SORBS2: variants seen among roughly 807,000 people sequenced by gnomAD.
SORBS2 encodes the protein sorbin and SH3 domain-containing protein 2.
A neutral mutation model predicts 97.7 loss-of-function variants in SORBS2; 46 were observed. The ratio of observed to expected loss-of-function variants is 0.47; its 90% confidence interval spans 0.37 to 0.60. The LOEUF (loss-of-function observed/expected upper bound fraction) is 0.60. SORBS2 is among the 20% of genes least tolerant of loss of function. The probability of loss-of-function intolerance (pLI) is 0.00; values close to 1 mark genes in which losing one functional copy is unlikely to be tolerated. For synonymous variants in SORBS2, 476 were observed against 473.4 expected, an observed-to-expected ratio of 1.01 and a Z score of -0.07; for missense variants, 1,316 against 1,282.3, an observed-to-expected ratio of 1.03 and a Z score of -0.40.
intron 1 of SORBS2, among the ~76,000 whole-genome samples, chr4:185,785,338 TAAACAAAGTTA>T (rs2099051279): frequency 6.6e-6 from 1 of 152,134 alleles, no homozygotes; most frequent in Non-Finnish European, 1.5e-5. Context: ...TTTTCAGAGT[TAAACAAAGTTA>T]AAAATACACA....
intron 13 of SORBS2, among the ~76,000 whole-genome samples, chr4:185,590,454 A>G (rs1278399022): frequency 6.6e-6 from 1 of 152,202 alleles, no homozygotes; most frequent in Admixed American, 6.5e-5. Flanking sequence ...TAATTAGCCT[A>G]TGAAGTTGAG....
At position 185,907,061 on chromosome 4, in the gene SORBS2, T is replaced by C. The variant is rs571474011; in HGVS notation, c.-338+49135A>G. On this transcript the variant is annotated intron_variant, in intron 1 of 20. Coordinates refer to the SORBS2 transcript ENST00000284776. ...TGAGGCAGGAGACCAGCTTGAACCT[T>C]GGAGGCAGAGGTTGCAGTGAGCTGA... Among the ~76,000 whole-genome samples the C allele has an allele frequency of 1.9e-3, 294 of 151,120 alleles. 1 individual carries two copies. The highest frequency in any genetic ancestry group is 6.8e-3 in the African/African-American group (281 of 41,064).
intron 2 of SORBS2, among the ~76,000 whole-genome samples, chr4:185,743,036 G>A (rs1418126523): frequency 6.6e-6 from 1 of 152,144 alleles, no homozygotes; most frequent in African/African-American, 2.4e-5. Flanking sequence ...TCCTGGAGAG[G>A]CATCTCCTTT....
At chr4:185,918,597 G>A (rs907302436) in intron 1 of SORBS2, 6 of 152,180 alleles carry the variant, frequency 3.9e-5, no homozygotes, top group Non-Finnish European at 1.5e-5. Context: ...AGGTCACCAC[G>A]GCCTCACGGT....
At chr4:185,655,810 T>C (rs2097391488) in intron 1 of SORBS2, among the ~76,000 whole-genome samples, 1 of 152,204 alleles carries the variant, frequency 6.6e-6, no homozygotes. Context: ...TTATGTCTTA[T>C]AAAGGAAGAA....
intron 1 of SORBS2, among the ~76,000 whole-genome samples, chr4:185,879,123 T>C (rs943534559): frequency 6.8e-6 from 1 of 146,748 alleles, no homozygotes; most frequent in Non-Finnish European, 1.5e-5. Context: ...CTGCACCCAT[T>C]AACTCGCCAT....
rs543946193 is a variant in SORBS2, at chr4:185,735,169, G to T, written c.-198+40058C>A. ...AAAAGAGGGTCATGGGATGTGGGGAGCTGCCTGGGGGCTGGTGGGAACTTG... is the reference window on the plus strand; with the variant it reads ...AAAAGAGGGTCATGGGATGTGGGGATCTGCCTGGGGGCTGGTGGGAACTTG... On this transcript the variant is annotated intron_variant, in intron 2 of 20. Transcript: ENST00000284776. Among the ~76,000 whole-genome samples, 10 of 152,312 alleles carry T rather than the reference G, an allele frequency of 6.6e-5. No homozygotes were observed. In the East Asian group the frequency reaches 1.5e-3, roughly 24 times the overall value.
chr4:185,659,582 A>AC, upstream of SORBS2, among the ~76,000 whole-genome samples: 1 of 128,030 alleles, frequency 7.8e-6, no homozygotes, highest in African/African-American at 2.5e-5. Flanking sequence ...ACGCCCAGCT[A>AC]ATTTTTTTTT....
At chr4:185,651,706 G>A (rs2097316567) in intron 2 of SORBS2, 78 bp downstream of exon 11, 1 of 830,726 alleles carries the variant, frequency 1.2e-6, no homozygotes, top group South Asian at 1.4e-5. Context: ...AACAGAAGGG[G>A]AAAAAAGGTG....
intron 2 of SORBS2, among the ~76,000 whole-genome samples, chr4:185,681,702 T>G (rs2097870173): frequency 6.6e-6 from 1 of 152,208 alleles, no homozygotes; most frequent in Non-Finnish European, 1.5e-5. Flanking sequence ...GCCCTTTTCC[T>G]TGTGTCGAGG....
chr4:185,612,013 CAG>C, intron 11 of SORBS2, 33 bp from the exon 24 acceptor site: 1 of 1,300,052 alleles, frequency 7.7e-7, no homozygotes, highest in Non-Finnish European at 1.1e-6. Context: ...GCATTAGAAA[CAG>C]AGATAGAATA....
chr4:185,834,228 C>T (rs917369249), intron 1 of SORBS2, among the ~76,000 whole-genome samples: 1 of 152,248 alleles, frequency 6.6e-6, no homozygotes, highest in South Asian at 2.1e-4. Flanking sequence ...ACAACCTACA[C>T]TCATGGTGGA....
chr4:185,686,563 GA>G (rs2153512797), intron 2 of SORBS2, among the ~76,000 whole-genome samples: 1 of 152,338 alleles, frequency 6.6e-6, no homozygotes, highest in South Asian at 2.1e-4. Flanking sequence ...TCAGCAAACT[GA>G]AAGTGCTTAG....
rs1010932948 is a variant in SORBS2 at position 185,877,312 on chromosome 4, C to T, written c.-338+78884G>A. 1.3e-5 allele frequency among the ~76,000 whole-genome samples: 2 copies of T among 151,680 alleles called. 1 individual carries two copies. Among genetic ancestry groups the T allele is most frequent in the South Asian group, 4.2e-4 (2 of 4,806 alleles). On this transcript the variant is annotated intron_variant, in intron 1 of 20. Transcript: ENST00000284776. ...TTAAAGGTTGTTTTTTTTAAAAGAGCCAAAGTAAGCAAAAAAAAGAGATTT... is the reference window on the plus strand; with the variant it reads ...TTAAAGGTTGTTTTTTTTAAAAGAGTCAAAGTAAGCAAAAAAAAGAGATTT...
chr4:185,809,200 T>G (rs954630959), intron 1 of SORBS2, among the ~76,000 whole-genome samples: 2 of 152,100 alleles, frequency 1.3e-5, no homozygotes, highest in Admixed American at 6.6e-5. Context: ...ACCAGTACAA[T>G]GTCTGAATGC....
At chr4:185,858,528 T>C (rs1032534299) in intron 1 of SORBS2, among the ~76,000 whole-genome samples, 3 of 152,174 alleles carry the variant, frequency 2.0e-5, no homozygotes, top group African/African-American at 7.2e-5. Flanking sequence ...TTAGCACATG[T>C]TGGGTATTTC....
At chr4:185,589,305 T>C (rs2095865727) in intron 14 of SORBS2, 1 of 181,566 alleles carries the variant, frequency 5.5e-6, no homozygotes, top group Non-Finnish European at 1.2e-5. Flanking sequence ...TCACTCCCTC[T>C]GAAATTAGAT....
At chr4:185,749,343 A>G (rs541080088) in intron 2 of SORBS2, among the ~76,000 whole-genome samples, 137 of 152,366 alleles carry the variant, frequency 9.0e-4, no homozygotes, top group African/African-American at 3.2e-3. Context: ...GGAACAGCAG[A>G]GCTGTCAGAG....
chr4:185,767,969 A>T (rs777829978), intron 2 of SORBS2, among the ~76,000 whole-genome samples: 1 of 152,162 alleles, frequency 6.6e-6, no homozygotes, highest in Non-Finnish European at 1.5e-5. Context: ...GCTGTCCATC[A>T]CCTTCTGCCA....
Sources: gnomAD v4.1 joint callset for allele counts (sites outside exome capture counted in the v4.1 genomes callset) on GRCh38, gnomAD v4.1.1 for gene constraint, MANE v1.5 for transcripts, NCBI Gene and HGNC (gene_info 2026-07-23, HGNC 2026-07-21) for gene names.